Variants in SRGAP2 observed in about 807,000 individuals in gnomAD.
SRGAP2 encodes the protein SLIT-ROBO Rho GTPase activating protein 2.
Under a neutral mutation model 57.2 loss-of-function variants are expected in SRGAP2, and 15 were observed. The ratio of observed to expected loss-of-function variants is 0.26; its 90% CI spans 0.18 to 0.40. The LOEUF (loss-of-function observed/expected upper bound fraction) is 0.40. Among genes scored for constraint, SRGAP2 ranks in the 10% least tolerant of loss-of-function variants. SRGAP2 has a pLI of 1.00. For missense variants in SRGAP2, 520 were observed against 669.6 expected, an observed-to-expected ratio of 0.78 and a Z score of 2.47; for synonymous variants, 249 against 248.0, an observed-to-expected ratio of 1.00 and a Z score of -0.04.
At chr1:206,348,291 T>TC (rs1675798697) in intron 4 of SRGAP2, among the ~76,000 whole-genome samples, 2 of 151,440 alleles carry the variant, frequency 1.3e-5, no homozygotes, top group African/African-American at 4.9e-5. Context: ...GCTCAGTCTG[T>TC]CTAACCTCTG....
chr1:206,372,963 TC>T (rs1553347101), intron 4 of SRGAP2, among the ~76,000 whole-genome samples: 2,098 of 14,462 alleles, frequency 0.15, 386 homozygotes, highest in African/African-American at 0.22. Flanking sequence ...TTCTTTTCTT[TC>T]CTTTCTTTCT....
At chr1:206,292,648 T>C (rs1255001644) in intron 2 of SRGAP2, among the ~76,000 whole-genome samples, 2 of 147,944 alleles carry the variant, frequency 1.4e-5, no homozygotes, top group Non-Finnish European at 3.0e-5. Context: ...CTTAATCTAC[T>C]TTCCTATCTC....
chr1:206,226,768 A>G (rs1458977044), intron 2 of SRGAP2, among the ~76,000 whole-genome samples: 1 of 152,182 alleles, frequency 6.6e-6, no homozygotes, highest in African/African-American at 2.4e-5. Flanking sequence ...GTTAAAGTGA[A>G]TCACCTGTTG....
At chr1:206,254,623 CAAAA>C (rs782651700) in intron 2 of SRGAP2, among the ~76,000 whole-genome samples, 1 of 134,792 alleles carries the variant, frequency 7.4e-6, no homozygotes. Flanking sequence ...TGCTTTCTGG[CAAAA>C]AAAAAAAAAA....
intron 2 of SRGAP2, among the ~76,000 whole-genome samples, chr1:206,222,836 A>G (rs1480546279): frequency 2.0e-5 from 3 of 151,492 alleles, no homozygotes; most frequent in Admixed American, 6.6e-5. Flanking sequence ...GGCATAATAT[A>G]TGTTCTGCCT....
intron 3 of SRGAP2, among the ~76,000 whole-genome samples, chr1:206,307,324 C>G (rs1204163052): frequency 6.6e-6 from 1 of 152,272 alleles, no homozygotes; most frequent in Non-Finnish European, 1.5e-5. Context: ...GGTGTATTTA[C>G]AATCCCTGAG....
chr1:206,422,009 A>G (rs1427024649), intron 13 of SRGAP2, among the ~76,000 whole-genome samples: 2 of 152,230 alleles, frequency 1.3e-5, no homozygotes, highest in Non-Finnish European at 2.9e-5. Flanking sequence ...AAATACTGAA[A>G]TGATTTTATG....
chr1:206,428,853 G>C (rs1241993103), intron 13 of SRGAP2, among the ~76,000 whole-genome samples: 8 of 152,060 alleles, frequency 5.3e-5, no homozygotes, highest in African/African-American at 1.9e-4. Context: ...AGAGTCTGTT[G>C]CCCAGGCTGG....
intron 14 of SRGAP2, among the ~76,000 whole-genome samples, chr1:206,432,313 A>G (rs191918447): frequency 6.6e-6 from 1 of 152,322 alleles, no homozygotes; most frequent in Non-Finnish European, 1.5e-5. Context: ...AGGCACATTT[A>G]TATGTTACTA....
Position 206,453,281 on chromosome 1 carries a change from C to T in SRGAP2, c.2261C>T (p.Ser754Phe). Residue 754 changes from serine to phenylalanine, a missense_variant, in exon 20 of 23, where the codon TCC (serine) becomes TTC (phenylalanine). By Grantham distance (155) the Ser-to-Phe change is radical. Around this residue, in one of 5 missense-constraint regions of SRGAP2, gnomAD observed 478 missense variants for 373.6 expected, o/e 1.28. Coordinates refer to ENST00000573034, the MANE Select transcript of SRGAP2 (RefSeq NM_015326.5). ...GAGCTATCCTTTAAGAAGGGAGCATCCCTGCTGCTTTACCAGCGGGCTTCC... is the reference window on the plus strand; with the variant it reads ...GAGCTATCCTTTAAGAAGGGAGCATTCCTGCTGCTTTACCAGCGGGCTTCC... ...ARELSFKKGA[S>F]LLLYQRASDD... The T allele has an allele frequency of 1.3e-6, 1 of 759,596 alleles. No individual in the cohort carries two copies. Among genetic ancestry groups the T allele is most frequent in the Non-Finnish European group, 2.5e-6 (1 of 407,334 alleles). The allele number at this position is 759,596 out of a possible 1,614,324, so 47.1% of individuals were successfully genotyped here.
chr1:206,287,021 A>G (rs1311366870), intron 2 of SRGAP2, among the ~76,000 whole-genome samples: 1 of 152,212 alleles, frequency 6.6e-6, no homozygotes, highest in East Asian at 1.9e-4. Context: ...GCAATTCAGA[A>G]CAAAATGAGG....
At chr1:206,228,685 T>A (rs532649882) in intron 2 of SRGAP2, among the ~76,000 whole-genome samples, 65 of 151,762 alleles carry the variant, frequency 4.3e-4, no homozygotes, top group African/African-American at 1.6e-3. Context: ...AAATTGGAGG[T>A]CCTTCTCATA....
chr1:206,381,071 G>T (rs1318925032), intron 4 of SRGAP2, among the ~76,000 whole-genome samples: 1 of 152,216 alleles, frequency 6.6e-6, no homozygotes, highest in Non-Finnish European at 1.5e-5. Context: ...GCCAGAGGGA[G>T]CAGTAAGTCA....
chr1:206,377,111 T>A (rs1452498361), intron 4 of SRGAP2, among the ~76,000 whole-genome samples: 21 of 152,204 alleles, frequency 1.4e-4, no homozygotes, highest in African/African-American at 4.8e-4. Context: ...GCTTTGAGAT[T>A]TTTTTAGACT....
At chr1:206,312,003 A>C (rs569430833) in intron 3 of SRGAP2, 2 of 152,202 alleles carry the variant, frequency 1.3e-5, no homozygotes, top group South Asian at 4.2e-4. Context: ...ATAGTACTGT[A>C]TTTTCATTCA....
intron 4 of SRGAP2, among the ~76,000 whole-genome samples, chr1:206,378,801 C>T (rs1296731775): frequency 2.6e-5 from 4 of 152,158 alleles, no homozygotes; most frequent in Admixed American, 6.5e-5. Context: ...ACACTCACCG[C>T]GAAGGTCCAC....
intron 3 of SRGAP2, among the ~76,000 whole-genome samples, chr1:206,340,981 C>T (rs1412873891): frequency 6.6e-6 from 1 of 152,070 alleles, no homozygotes; most frequent in Non-Finnish European, 1.5e-5. Context: ...AGAGTGATGC[C>T]TGGGGCAGGG....
chr1:206,329,837 A>C (rs1156391824), intron 3 of SRGAP2, among the ~76,000 whole-genome samples: 2 of 143,766 alleles, frequency 1.4e-5, no homozygotes, highest in Non-Finnish European at 3.1e-5. Flanking sequence ...AACTTCCAAC[A>C]CTATGTTGAA....
chr1:206,386,858 C>T (rs1209332376), intron 5 of SRGAP2, among the ~76,000 whole-genome samples: 1 of 149,202 alleles, frequency 6.7e-6, no homozygotes, highest in East Asian at 2.0e-4. Context: ...GGCACAGTGG[C>T]TCATGCCCGT....
Sources: allele counts gnomAD v4.1 joint callset (sites outside exome capture counted in the v4.1 genomes callset), GRCh38; gene constraint gnomAD v4.1.1; regional missense constraint gnomAD v4.1.1; transcripts MANE v1.5; gene names NCBI Gene and HGNC (gene_info 2026-07-23, HGNC 2026-07-21).